MSH5: variants seen among roughly 807,000 people sequenced by gnomAD.
MSH5 encodes mutS homolog 5, also known as mutS protein homolog 5.
Under a neutral mutation model 107.7 loss-of-function variants are expected in MSH5, and 78 were observed. The ratio of observed to expected loss-of-function variants is 0.72; its 90% CI spans 0.60 to 0.87. The LOEUF (loss-of-function observed/expected upper bound fraction) is 0.87. Among genes scored for constraint, MSH5 ranks in the 40% least tolerant of loss-of-function variants. The pLI, the probability that MSH5 is intolerant of heterozygous loss-of-function variation, is 0.00. For synonymous variants in MSH5, 326 were observed against 399.5 expected (o/e 0.82, Z 2.19); for missense variants, 889 against 1,046.6 (o/e 0.85, Z 2.08).
chr6:31,745,249 T>A lies in MSH5; in HGVS notation c.696T>A (p.Ile232=), dbSNP rs761634327. ...TTCTCCTCGACAGTGTTCTACAGAT[T>A]TTTAAGAGTGAGTCTCACCCCTCAG... The part of the protein sequence containing the change: ...IDQDTYSVLQ[I]FKSESHPSVY... Residue 232 remains isoleucine, a synonymous_variant, in exon 9 of 25, where the codon ATT becomes ATA. Transcript: ENST00000375750. The A allele has an allele frequency of 6.2e-7, 1 of 1,612,304 alleles. No individual in the cohort carries two copies. Among genetic ancestry groups the A allele is most frequent in the Non-Finnish European group, 8.5e-7 (1 of 1,178,496 alleles).
chr6:31,759,598 G>T lies in MSH5; in HGVS notation c.1495+86G>T. On this transcript the variant is annotated intron_variant, in intron 17 of 24. Coordinates refer to ENST00000375750, the MANE Select transcript of MSH5 (RefSeq NM_172166.4). The surrounding 1 kb of genome is among the most constrained non-coding windows in gnomAD (Gnocchi z 4.7). The stretch of plus-strand genomic sequence containing the variant: ...GAAGGAGGGGAGTGGGCAACTTGGG[G>T]ATGCTTCCAACAGGCCCCTCCTCTT... The T allele has an allele frequency of 6.8e-7, 1 of 1,464,234 alleles. No homozygotes were observed. 90.7% of individuals were successfully genotyped at this position (1,464,234 alleles called of 1,614,324 possible). A position where few individuals can be genotyped will look rare whatever the true frequency, so the allele number is the denominator to read the frequency against.
chr6:31,761,738 C>T lies in MSH5; in HGVS notation c.2182-80C>T, dbSNP rs1275571965. 6.2e-7 allele frequency: 1 copy of T among 1,612,350 alleles called. No homozygotes were observed. Among genetic ancestry groups the T allele is most frequent in the African/African-American group, 1.3e-5 (1 of 75,042 alleles). Reference sequence around the variant, plus strand: ...AGAGACCACATCCCTTCCCTTTTCTCCCTCCCCACAGGATTGGCCAAGGGT... The same window carrying T: ...AGAGACCACATCCCTTCCCTTTTCTTCCTCCCCACAGGATTGGCCAAGGGT... On this transcript the variant is annotated intron_variant, in intron 22 of 24. Transcript: ENST00000375750. The surrounding 1 kb of genome is among the most constrained non-coding windows in gnomAD (Gnocchi z 5.3).
At position 31,762,093 on chromosome 6, in the gene MSH5, CCTT is replaced by C. The variant is rs1811066711; in HGVS notation, c.2320-15_2320-13del. 2 of 1,614,000 alleles carry C rather than the reference CCTT, an allele frequency of 1.2e-6. No homozygotes were observed. The highest frequency in any genetic ancestry group is 2.7e-5 in the African/African-American group (2 of 74,922). On this transcript the variant is annotated splice_polypyrimidine_tract_variant and intron_variant, in intron 23 of 24. Coordinates refer to ENST00000375750, the MANE Select transcript of MSH5 (RefSeq NM_172166.4). ...TTCCCCACTCCCCTTACTCCTCCCACCTTCTTGCTTGTTCCTAGGTCTCAGACT... is the reference window on the plus strand; with the variant it reads ...TTCCCCACTCCCCTTACTCCTCCCACCTTGCTTGTTCCTAGGTCTCAGACT...
intron 12 of MSH5, among the ~76,000 whole-genome samples, chr6:31,754,221 C>T (rs1810242129): frequency 6.6e-6 from 1 of 151,466 alleles, no homozygotes; most frequent in Non-Finnish European, 1.5e-5. Flanking sequence ...GCGATCTCGG[C>T]TCACTGCAAC....
chr6:31,749,064 C>T (rs997079298), intron 10 of MSH5, among the ~76,000 whole-genome samples: 1 of 151,970 alleles, frequency 6.6e-6, no homozygotes, highest in Non-Finnish European at 1.5e-5. Flanking sequence ...TACAGGGACC[C>T]ACCACCATGC....
At position 31,761,994 on chromosome 6, in the gene MSH5, G is replaced by A. The variant is rs1275014451; in HGVS notation, c.2319+39G>A. 1 of 1,613,352 alleles carries A rather than the reference G, an allele frequency of 6.2e-7. No individual in the cohort carries two copies. ...AATGTGCAACCACCTCCACATCAGA[G>A]CTCCCTTTCATTCCTAGTCCTACTG... On this transcript the variant is annotated intron_variant, in intron 23 of 24. Transcript: ENST00000375750. This position sits in a 1 kb window ranked among gnomAD's most constrained non-coding sequence, Gnocchi z 5.3.
Position 31,741,174 on chromosome 6 carries a change from T to C in MSH5, c.159T>C (p.Cys53=). Residue 53 remains cysteine (C), a synonymous_variant, in exon 3 of 25, where the codon TGT becomes TGC. Transcript: ENST00000375750. ...TCCTTGCTGGACAGATCCATCTGTGTGTGCTGTGGAATTCAGGATACTTGG... is the reference window on the plus strand; with the variant it reads ...TCCTTGCTGGACAGATCCATCTGTGCGTGCTGTGGAATTCAGGATACTTGG... ...EEEELAEIHL[C]VLWNSGYLGI... is the part of the protein sequence containing the mutation. 1.9e-6 allele frequency: 3 copies of C among 1,613,042 alleles called. No homozygotes were observed. Among genetic ancestry groups the C allele is most frequent in the Non-Finnish European group, 2.5e-6 (3 of 1,180,016 alleles).
At chr6:31,757,543 AC>A (rs1810559330) in intron 12 of MSH5, 1 of 151,706 alleles carries the variant, frequency 6.6e-6, no homozygotes, top group Non-Finnish European at 1.5e-5. Context: ...CTCTGTACAA[AC>A]TCCTTTGTTT....
intron 10 of MSH5, among the ~76,000 whole-genome samples, chr6:31,750,741 G>A (rs758886797): frequency 6.6e-6 from 1 of 152,144 alleles, no homozygotes; most frequent in Non-Finnish European, 1.5e-5. Flanking sequence ...TGGATGCTCC[G>A]CTTCATTCAA....
Position 31,759,005 on chromosome 6 carries a change from T to A in MSH5, c.1327-92T>A, listed in dbSNP as rs1222555739. On this transcript the variant is annotated intron_variant, in intron 15 of 24. Transcript: ENST00000375750. The surrounding 1 kb of genome is among the most constrained non-coding windows in gnomAD (Gnocchi z 4.7). ...GAACATGAACACTTTTTTGTGGGGA[T>A]ACAGGGATCTTTTAAGCTCCCTCTA... 1 of 1,424,754 alleles carries A rather than the reference T, an allele frequency of 7.0e-7. No individual in the cohort carries two copies. The highest frequency in any genetic ancestry group is 9.9e-7 in the Non-Finnish European group (1 of 1,009,434). The allele number at this position is 1,424,754 out of a possible 1,614,324, so 88.3% of individuals were successfully genotyped here.
At position 31,758,122 on chromosome 6, in the gene MSH5, G is replaced by C; in HGVS notation, c.1015-43G>C. Reference sequence around the variant, plus strand: ...TCTGTCCCTATCACCACCTCAACCCGAGCTGGATGTGGCCTGTCCTCCTTT... The same window carrying C: ...TCTGTCCCTATCACCACCTCAACCCCAGCTGGATGTGGCCTGTCCTCCTTT... On this transcript the variant is annotated intron_variant, in intron 12 of 24. Transcript: ENST00000375750. The surrounding 1 kb of genome is among the most constrained non-coding windows in gnomAD (Gnocchi z 5.1). 1 of 1,610,932 alleles carries C rather than the reference G, an allele frequency of 6.2e-7. No individual in the cohort carries two copies.
chr6:31,760,986 C>A lies in MSH5; in HGVS notation c.1962+147C>A. 2 of 1,101,294 alleles carry A rather than the reference C, an allele frequency of 1.8e-6. No homozygotes were observed. The highest frequency in any genetic ancestry group is 1.6e-5 in the South Asian group (1 of 62,072). 68.2% of individuals were successfully genotyped at this position (1,101,294 alleles called of 1,614,324 possible). ...CACTAAGGTCAGAGATAAGAAGAAT[C>A]AATACCATAAACATTTCTTGAACCC... On this transcript the variant is annotated intron_variant, in intron 20 of 24. Coordinates refer to ENST00000375750, the MANE Select transcript of MSH5 (RefSeq NM_172166.4). The surrounding 1 kb of genome is among the most constrained non-coding windows in gnomAD (Gnocchi z 5.6).
intron 3 of MSH5, among the ~76,000 whole-genome samples, chr6:31,741,595 G>C (rs1032286005): frequency 6.6e-6 from 1 of 151,940 alleles, no homozygotes; most frequent in African/African-American, 2.4e-5. Flanking sequence ...TGTTGGCCAG[G>C]GTGGTCTCAA....
chr6:31,761,543 C>T lies in MSH5; in HGVS notation c.2109C>T (p.Ile703=). The T allele has an allele frequency of 6.2e-7, 1 of 1,613,972 alleles. No individual in the cohort carries two copies. Among genetic ancestry groups the T allele is most frequent in the East Asian group, 2.2e-5 (1 of 44,888 alleles). Residue 703 remains isoleucine (I), a synonymous_variant, in exon 22 of 25, where the codon ATC becomes ATT. Transcript: ENST00000375750. This position sits in a 1 kb window ranked among gnomAD's most constrained non-coding sequence, Gnocchi z 5.3. ...WLARGPTCPH[I]FVATNFLSLV... ...CACGTGGACCCACATGCCCCCACAT[C>T]TTTGTGGCCACCAACTTTCTGAGCC...
intron 12 of MSH5, among the ~76,000 whole-genome samples, chr6:31,756,060 A>C (rs1478474636): frequency 6.7e-6 from 1 of 149,976 alleles, no homozygotes; most frequent in East Asian, 1.9e-4. Flanking sequence ...TTTTTTTTTC[A>C]ATACTGTTTT....
chr6:31,742,953 GCTTGGTAAGGA>G lies in MSH5; in HGVS notation c.352+5_352+15del. 1 of 1,613,046 alleles carries G rather than the reference GCTTGGTAAGGA, an allele frequency of 6.2e-7. No individual in the cohort carries two copies. Among genetic ancestry groups the G allele is most frequent in the South Asian group, 1.1e-5 (1 of 91,086 alleles). ...AGAATATGACTCGATTTCTGGGAAA[GCTTGGTAAGGA>G]CTTGGTAAAGGATAGAGGGAAAATG... On this transcript the variant is annotated splice_donor_variant and splice_donor_5th_base_variant and coding_sequence_variant and intron_variant, in exon 4 of 25. Transcript: ENST00000375750. LOFTEE classifies it high-confidence loss of function.
intron 9 of MSH5, among the ~76,000 whole-genome samples, chr6:31,745,683 C>T (rs1809370213): frequency 6.6e-6 from 1 of 151,508 alleles, no homozygotes; most frequent in African/African-American, 2.4e-5. Flanking sequence ...GAGTCTTTAT[C>T]AGTTGTCTCT....
Position 31,761,600 on chromosome 6 carries a change from C to G in MSH5, c.2166C>G (p.Pro722=). ...AGCTACAACTGCTGCCACAAGGGCC[C>G]CTGGTGCAGTATTTGGTGAGGAGAC... The part of the protein sequence containing the change: ...LVQLQLLPQG[P]LVQYLTMETC... Residue 722 remains proline, a synonymous_variant, in exon 22 of 25, where the codon CCC becomes CCG. Transcript: ENST00000375750. The surrounding 1 kb of genome is among the most constrained non-coding windows in gnomAD (Gnocchi z 5.3). 1 of 1,614,138 alleles carries G rather than the reference C, an allele frequency of 6.2e-7. No individual in the cohort carries two copies. Among genetic ancestry groups the G allele is most frequent in the Non-Finnish European group, 8.5e-7 (1 of 1,180,028 alleles).
rs757975051 is a variant in MSH5 at position 31,759,992 on chromosome 6, G to A, written c.1685+17G>A. 1 of 1,613,736 alleles carries A rather than the reference G, an allele frequency of 6.2e-7. No individual in the cohort carries two copies. The highest frequency in any genetic ancestry group is 1.7e-5 in the Admixed American group (1 of 60,010). On this transcript the variant is annotated intron_variant, in intron 18 of 24. Coordinates refer to ENST00000375750, the MANE Select transcript of MSH5 (RefSeq NM_172166.4). This position sits in a 1 kb window ranked among gnomAD's most constrained non-coding sequence, Gnocchi z 4.7. ...GAATGGCAGGTAAGAATAGAGGCGG[G>A]TGGAGGAATAGACATGAGGGGCCCA...
Sources: allele counts gnomAD v4.1 joint callset (sites outside exome capture counted in the v4.1 genomes callset), GRCh38; gene constraint gnomAD v4.1.1; non-coding constraint Gnocchi (gnomAD v3.1); transcripts MANE v1.5; gene names NCBI Gene and HGNC (gene_info 2026-07-23, HGNC 2026-07-21).